ROBO1: variants seen among roughly 807,000 people sequenced by gnomAD.
The protein encoded by ROBO1 is roundabout homolog 1.
Under a neutral mutation model 195.9 loss-of-function variants are expected in ROBO1, and 149 were observed. That is an observed-to-expected ratio of 0.76 (90% CI 0.67 to 0.87). The LOEUF is 0.87. Ranked by LOEUF, ROBO1 falls within the 40% of genes least tolerant of loss-of-function variation. The probability of loss-of-function intolerance (pLI) is 0.00; values close to 1 mark genes in which losing one functional copy is unlikely to be tolerated. For synonymous variants in ROBO1, 816 were observed against 733.2 expected (o/e 1.11, Z -1.82); for missense variants, 1,933 against 2,068.3 (o/e 0.93, Z 1.27).
chr3:78,812,264 G>T (rs1275700441), intron 4 of ROBO1, among the ~76,000 whole-genome samples: 1 of 151,992 alleles, frequency 6.6e-6, no homozygotes, highest in Non-Finnish European at 1.5e-5. Flanking sequence ...ACAAACTGTG[G>T]CCTTCAAGAC....
At chr3:79,501,957 C>A (rs1940095330) in intron 2 of ROBO1, among the ~76,000 whole-genome samples, 1 of 152,204 alleles carries the variant, frequency 6.6e-6, no homozygotes, top group Non-Finnish European at 1.5e-5. Flanking sequence ...ACAGCTAAGG[C>A]TGGACACAGT....
At chr3:78,698,329 A>T (rs2081347238) in intron 8 of ROBO1, among the ~76,000 whole-genome samples, 1 of 152,204 alleles carries the variant, frequency 6.6e-6, no homozygotes, top group African/African-American at 2.4e-5. Flanking sequence ...AAAAACTCTC[A>T]GGATATTTTA....
Position 78,940,784 on chromosome 3 carries a change from G to T in ROBO1, c.173-1857C>A, listed in dbSNP as rs192084708. On this transcript the variant is annotated intron_variant, in intron 3 of 30. Coordinates refer to ENST00000464233, the MANE Select transcript of ROBO1 (RefSeq NM_002941.4). ...GTCCGTTTTTCCCACCCTTCTGTAA[G>T]ATCTGTGGGTCTGGTTTTGCTCATG... is the stretch of plus-strand genomic sequence containing the variant. Among the ~76,000 whole-genome samples the T allele has an allele frequency of 1.1e-3, 174 of 152,320 alleles. 4 individuals are homozygous for T. Among genetic ancestry groups the T allele is most frequent in the Admixed American group, 3.1e-3 (48 of 15,298 alleles).
chr3:78,982,903 G>A (rs1243377177), intron 3 of ROBO1, among the ~76,000 whole-genome samples: 3 of 151,996 alleles, frequency 2.0e-5, no homozygotes, highest in African/African-American at 7.2e-5. Context: ...ACAGGTGTGA[G>A]ACACCACATC....
intron 2 of ROBO1, among the ~76,000 whole-genome samples, chr3:79,494,013 T>G (rs1216981958): frequency 6.6e-6 from 1 of 152,194 alleles, no homozygotes; most frequent in Non-Finnish European, 1.5e-5. Flanking sequence ...TTCCTAGTTC[T>G]GTTTACAATG....
At chr3:79,074,489 G>A (rs2079138645) in intron 3 of ROBO1, among the ~76,000 whole-genome samples, 1 of 151,764 alleles carries the variant, frequency 6.6e-6, no homozygotes, top group South Asian at 2.1e-4. Context: ...GGTGATCATA[G>A]CTCACTGTAG....
intron 1 of ROBO1, among the ~76,000 whole-genome samples, chr3:79,623,004 A>G (rs1945056463): frequency 6.6e-6 from 1 of 152,160 alleles, no homozygotes; most frequent in Admixed American, 6.5e-5. Context: ...CTTGAGTGAC[A>G]TCTCCAGGTG....
At chr3:78,711,390 C>CTTTCTTTCTTTCTTT (rs1491298185) in intron 8 of ROBO1, among the ~76,000 whole-genome samples, 4 of 35,108 alleles carry the variant, frequency 1.1e-4, no homozygotes, top group African/African-American at 3.9e-4. Flanking sequence ...TTCCTTCCTT[C>CTTTCTTTCTTTCTTT]CTTCCTTCCT....
At chr3:78,918,696 A>G (rs772299018) in intron 4 of ROBO1, among the ~76,000 whole-genome samples, 2 of 152,148 alleles carry the variant, frequency 1.3e-5, no homozygotes, top group Non-Finnish European at 2.9e-5. Context: ...TAGACTGTCA[A>G]CTTCAGCTTT....
intron 5 of ROBO1, among the ~76,000 whole-genome samples, chr3:78,743,296 A>C (rs1360831518): frequency 6.6e-6 from 1 of 151,530 alleles, no homozygotes; most frequent in East Asian, 1.9e-4. Context: ...ACTGCTTACC[A>C]AGTTGTTAAA....
At chr3:78,749,187 C>T (rs2082729482) in intron 4 of ROBO1, among the ~76,000 whole-genome samples, 1 of 152,060 alleles carries the variant, frequency 6.6e-6, no homozygotes, top group African/African-American at 2.4e-5. Flanking sequence ...ACCTTTGAAA[C>T]ACCCAAAAGT....
chr3:79,652,341 GTTAGC>G, intron 1 of ROBO1, among the ~76,000 whole-genome samples: 1 of 91,404 alleles, frequency 1.1e-5, no homozygotes, highest in African/African-American at 4.8e-5. Context: ...TTCCACACTT[GTTAGC>G]TTTCTACTAT....
intron 2 of ROBO1, among the ~76,000 whole-genome samples, chr3:79,247,958 A>T (rs974575056): frequency 6.6e-6 from 1 of 152,136 alleles, no homozygotes; most frequent in Non-Finnish European, 1.5e-5. Context: ...TCATTCAATT[A>T]TCAAAATTCT....
chr3:79,743,785 A>T (rs1286479898), intron 1 of ROBO1, among the ~76,000 whole-genome samples: 2 of 152,112 alleles, frequency 1.3e-5, no homozygotes, highest in African/African-American at 4.8e-5. Context: ...ATGAACACAC[A>T]CATTAGCCTG....
intron 2 of ROBO1, among the ~76,000 whole-genome samples, chr3:79,232,530 G>T (rs945110609): frequency 6.7e-6 from 1 of 149,802 alleles, no homozygotes; most frequent in Non-Finnish European, 1.5e-5. Context: ...TAAGTTGAAA[G>T]GGTCAATCTT....
chr3:79,174,508 A>G (rs571093404), intron 2 of ROBO1, among the ~76,000 whole-genome samples: 64 of 152,306 alleles, frequency 4.2e-4, no homozygotes, highest in African/African-American at 1.5e-3. Context: ...CAGTGAGACC[A>G]AGAACCCACC....
intron 11 of ROBO1, among the ~76,000 whole-genome samples, chr3:78,669,755 T>C (rs1046891123): frequency 6.6e-6 from 1 of 152,152 alleles, no homozygotes; most frequent in Admixed American, 6.5e-5. Flanking sequence ...TACAGGTAAA[T>C]ATCTTAAAAG....
intron 4 of ROBO1, among the ~76,000 whole-genome samples, chr3:78,780,148 C>G (rs543565109): frequency 6.6e-6 from 1 of 152,086 alleles, no homozygotes; most frequent in African/African-American, 2.4e-5. Context: ...GGAGAAATAC[C>G]TAATGTAGAT....
At chr3:78,909,082 T>A (rs914697282) in intron 4 of ROBO1, among the ~76,000 whole-genome samples, 7 of 151,860 alleles carry the variant, frequency 4.6e-5, no homozygotes, top group African/African-American at 1.4e-4. Flanking sequence ...AATATGATTA[T>A]GTTTCATGTC....
Sources: gnomAD v4.1 joint callset for allele counts (sites outside exome capture counted in the v4.1 genomes callset) on GRCh38, gnomAD v4.1.1 for gene constraint, MANE v1.5 for transcripts, NCBI Gene and HGNC (gene_info 2026-07-23, HGNC 2026-07-21) for gene names.